Variants in ERAP1 observed in about 807,000 individuals in gnomAD.
ERAP1 encodes the protein adipocyte-derived leucine aminopeptidase.
ERAP1 carries 86 observed loss-of-function variants against 103.7 expected under a neutral mutation model. The ratio of observed to expected loss-of-function variants is 0.83; its 90% confidence interval spans 0.70 to 0.99. ERAP1 has a LOEUF of 0.99. Ranked by LOEUF, ERAP1 falls within the 50% of genes least tolerant of loss-of-function variation. ERAP1 has a pLI of 0.00. For missense variants in ERAP1, 1,009 were observed against 1,128.4 expected (o/e 0.89, Z 1.52); for synonymous variants, 398 against 402.4 (o/e 0.99, Z 0.13).
the ERAP1 span, chr5:96,902,403 G>T: frequency 8.6e-7 from 1 of 1,157,496 alleles, no homozygotes; most frequent in Admixed American, 1.7e-5. Flanking sequence ...AATTAAACAT[G>T]TGTTGAGCTA....
chr5:96,801,045 G>A (rs1354775842), intron 2 of ERAP1, 45 bp from the exon 3 acceptor site: 1 of 1,608,404 alleles, frequency 6.2e-7, no homozygotes, highest in Non-Finnish European at 8.5e-7. Flanking sequence ...TGAAGCACCA[G>A]GAACTCTAAA....
chr5:96,920,312 A>AAT, the ERAP1 span, among the ~76,000 whole-genome samples: 1 of 151,658 alleles, frequency 6.6e-6, no homozygotes. Context: ...CATTTAAAAA[A>AAT]AAAAAAAAAG....
the ERAP1 span, among the ~76,000 whole-genome samples, chr5:96,933,211 CTTTTTTTTTT>C: frequency 4.1e-5 from 3 of 72,808 alleles, no homozygotes; most frequent in African/African-American, 1.8e-4. Context: ...AAAACCACGT[CTTTTTTTTTT>C]TTTTTTTTTT....
At chr5:96,906,407 C>T in the ERAP1 span, among the ~76,000 whole-genome samples, 3 of 152,098 alleles carry the variant, frequency 2.0e-5, no homozygotes, top group Non-Finnish European at 4.4e-5. Context: ...GCTGGGACTA[C>T]AGGCACACAC....
At chr5:96,771,647 A>G (rs1772387845), downstream of ERAP1, 1 of 1,611,990 alleles carries the variant, frequency 6.2e-7, no homozygotes, top group African/African-American at 1.3e-5. Flanking sequence ...CTTTTAGACA[A>G]CAGAGGAAAC....
chr5:96,886,720 T>C, the ERAP1 span: 22 of 1,554,854 alleles, frequency 1.4e-5, no homozygotes, highest in Non-Finnish European at 1.9e-5. Context: ...TAAAAATGAG[T>C]ACATACCTTG....
the ERAP1 span, among the ~76,000 whole-genome samples, chr5:96,878,666 G>A: frequency 6.6e-6 from 1 of 152,040 alleles, no homozygotes; most frequent in Non-Finnish European, 1.5e-5. Flanking sequence ...AGTGACCCAC[G>A]CCTGTGATCT....
At chr5:96,764,841 C>G (rs756976766) in intron 19 of ERAP1, among the ~76,000 whole-genome samples, 1 of 152,134 alleles carries the variant, frequency 6.6e-6, no homozygotes, top group African/African-American at 2.4e-5. Flanking sequence ...TGTTTAATTT[C>G]TAAATGAAAG....
the ERAP1 span, among the ~76,000 whole-genome samples, chr5:96,845,089 G>A: frequency 1.3e-5 from 2 of 152,102 alleles, no homozygotes; most frequent in Non-Finnish European, 2.9e-5. Flanking sequence ...TTACTGGGGG[G>A]AAAACCAAGT....
chr5:96,792,983 T>C (rs2150961062), intron 7 of ERAP1, among the ~76,000 whole-genome samples: 1 of 152,260 alleles, frequency 6.6e-6, no homozygotes, highest in East Asian at 1.9e-4. Flanking sequence ...GCCTAGGTTG[T>C]TATACAATCA....
At chr5:96,840,162 C>G in the ERAP1 span, among the ~76,000 whole-genome samples, 1 of 152,198 alleles carries the variant, frequency 6.6e-6, no homozygotes, top group Non-Finnish European at 1.5e-5. Flanking sequence ...CTAAGGACCT[C>G]CATCTTTCCA....
At chr5:96,917,572 G>A in the ERAP1 span, 37 of 1,613,414 alleles carry the variant, frequency 2.3e-5, no homozygotes, top group Admixed American at 2.8e-4. Flanking sequence ...AGAATCTTCC[G>A]ACTCTGAGGA....
chr5:96,879,958 TG>T, the ERAP1 span: 3 of 1,614,098 alleles, frequency 1.9e-6, no homozygotes, highest in African/African-American at 4.0e-5. Context: ...CTCTGGACTT[TG>T]TTGCATCTGA....
At chr5:96,881,201 G>T in the ERAP1 span, 3 of 347,468 alleles carry the variant, frequency 8.6e-6, no homozygotes, top group Admixed American at 1.2e-4. Flanking sequence ...TCTGATTTAT[G>T]CTTTATAAAG....
At chr5:96,812,001 G>A (rs776438570), upstream of ERAP1, among the ~76,000 whole-genome samples, 4 of 152,110 alleles carry the variant, frequency 2.6e-5, no homozygotes, top group Admixed American at 6.5e-5. Context: ...ACCTTTGCTC[G>A]TGTCAACAAG....
the ERAP1 span, among the ~76,000 whole-genome samples, chr5:96,847,360 C>T: frequency 6.6e-6 from 1 of 151,864 alleles, no homozygotes; most frequent in African/African-American, 2.4e-5. Context: ...ACATGGATGG[C>T]AGCACAATAC....
the ERAP1 span, chr5:96,896,233 C>A: frequency 1.6e-6 from 1 of 609,920 alleles, no homozygotes; most frequent in South Asian, 2.5e-5. Context: ...AAGGGGAATA[C>A]ATACAAGAAA....
chr5:96,875,080 T>C, the ERAP1 span, among the ~76,000 whole-genome samples: 32 of 152,234 alleles, frequency 2.1e-4, no homozygotes, highest in South Asian at 1.9e-3. Flanking sequence ...CGAGCAGTAG[T>C]TGAAAGGATT....
chr5:96,776,336 A>G lies in ERAP1; in HGVS notation c.*60T>C. 1 of 1,568,998 alleles carries G rather than the reference A, an allele frequency of 6.4e-7. No homozygotes were observed. The highest frequency in any genetic ancestry group is 8.6e-7 in the Non-Finnish European group (1 of 1,158,772). ...CCAAAACAGCCATCTCTAGTTTGAAAATACACTCAACAAAATGTTGGTGAT... is the reference window on the plus strand; with the variant it reads ...CCAAAACAGCCATCTCTAGTTTGAAGATACACTCAACAAAATGTTGGTGAT... On this transcript the variant is annotated 3_prime_UTR_variant, in exon 19 of 19. Coordinates refer to ENST00000443439, the MANE Select transcript of ERAP1 (RefSeq NM_001040458.3).
Sources: allele counts gnomAD v4.1 joint callset (sites outside exome capture counted in the v4.1 genomes callset), GRCh38; gene constraint gnomAD v4.1.1; transcripts MANE v1.5; gene names NCBI Gene and HGNC (gene_info 2026-07-23, HGNC 2026-07-21).